Variants in STXBP4 observed in about 807,000 individuals in gnomAD.
STXBP4 encodes the protein syntaxin binding protein 4.
Under a neutral mutation model 76.1 loss-of-function variants are expected in STXBP4, and 55 were observed. That is an observed-to-expected ratio of 0.72 (90% CI 0.58 to 0.91). STXBP4 has a LOEUF of 0.91. Among genes scored for constraint, STXBP4 ranks in the 40% least tolerant of loss-of-function variants. STXBP4 has a pLI of 0.00. For missense variants in STXBP4, 618 were observed against 636.9 expected (o/e 0.97, Z 0.32); for synonymous variants, 201 against 220.2 (o/e 0.91, Z 0.77).
At chr17:55,159,624 C>T (rs980464492) in intron 17 of STXBP4, among the ~76,000 whole-genome samples, 173 bp from the exon 18 acceptor site, 2 of 152,186 alleles carry the variant, frequency 1.3e-5, no homozygotes, top group South Asian at 2.1e-4. Context: ...AAATGGTTTT[C>T]ATTGAAGCTT....
intron 8 of STXBP4, among the ~76,000 whole-genome samples, chr17:55,025,592 G>A (rs1438394327): frequency 6.6e-6 from 1 of 152,058 alleles, no homozygotes; most frequent in Non-Finnish European, 1.5e-5. Flanking sequence ...TAACACCCTT[G>A]CATGATAAAA....
At chr17:55,007,443 T>A in intron 7 of STXBP4, 63 bp from the exon 8 acceptor site, 1 of 1,140,928 alleles carries the variant, frequency 8.8e-7, no homozygotes, top group South Asian at 1.3e-5. Context: ...GAACATATCC[T>A]GTCAAATAAA....
chr17:55,034,661 AT>A (rs1175975801), intron 10 of STXBP4, among the ~76,000 whole-genome samples: 1 of 152,086 alleles, frequency 6.6e-6, no homozygotes, highest in Non-Finnish European at 1.5e-5. Context: ...AACCATCCTT[AT>A]TTAATTAGCA....
chr17:55,055,744 C>T (rs1783905343), intron 12 of STXBP4, among the ~76,000 whole-genome samples: 1 of 152,196 alleles, frequency 6.6e-6, no homozygotes, highest in Non-Finnish European at 1.5e-5. Context: ...CCCTCCACCC[C>T]TTTACTCATT....
rs2145204055 is a variant in STXBP4 at position 55,164,146 on chromosome 17, C to CT, written c.*4237dup. On this transcript the variant is annotated 3_prime_UTR_variant, in exon 18 of 18. Transcript: ENST00000376352. The stretch of plus-strand genomic sequence containing the variant: ...CCTTAAACAGAATGTGCCTGTGGAG[C>CT]TTCGCTTTAGAAATGAAATACCCAA... 6.6e-6 allele frequency: 1 copy of CT among 152,324 alleles called. No homozygotes were observed. Among genetic ancestry groups the CT allele is most frequent in the South Asian group, 2.1e-4 (1 of 4,826 alleles). 9.4% of individuals were successfully genotyped at this position (152,324 alleles called of 1,614,324 possible).
intron 8 of STXBP4, among the ~76,000 whole-genome samples, chr17:55,025,232 A>G (rs2078391060): frequency 6.6e-6 from 1 of 152,302 alleles, no homozygotes; most frequent in Middle Eastern, 3.4e-3. Context: ...GGAGAATACT[A>G]TGAATAATTA....
chr17:55,041,993 G>A (rs911700148), intron 10 of STXBP4, among the ~76,000 whole-genome samples: 3 of 152,136 alleles, frequency 2.0e-5, no homozygotes, highest in African/African-American at 7.2e-5. Flanking sequence ...TGAGAGAGCA[G>A]AGTAACAGAG....
chr17:55,136,224 G>A (rs2080027292), intron 16 of STXBP4, among the ~76,000 whole-genome samples: 1 of 152,066 alleles, frequency 6.6e-6, no homozygotes, highest in African/African-American at 2.4e-5. Flanking sequence ...GCCTTTGGAA[G>A]CTGCTATCAG....
the STXBP4 span, among the ~76,000 whole-genome samples, chr17:55,182,164 A>T: frequency 0.042 from 536 of 12,824 alleles, 4 homozygotes; most frequent in Non-Finnish European, 0.13. Flanking sequence ...GCAAGAATCA[A>T]GAGAAAACAG....
chr17:55,047,617 G>A (rs2078807875), intron 12 of STXBP4, among the ~76,000 whole-genome samples: 1 of 151,658 alleles, frequency 6.6e-6, no homozygotes, highest in Non-Finnish European at 1.5e-5. Flanking sequence ...ATTCTTCAAA[G>A]AATTTGAGGT....
intron 8 of STXBP4, among the ~76,000 whole-genome samples, chr17:55,023,822 T>TA (rs1189639724): frequency 6.7e-6 from 1 of 150,070 alleles, no homozygotes; most frequent in African/African-American, 2.5e-5. Flanking sequence ...GGCTCAGTTT[T>TA]AACATGGCCT....
intron 13 of STXBP4, among the ~76,000 whole-genome samples, chr17:55,074,439 G>A (rs1328473598): frequency 1.3e-5 from 2 of 152,090 alleles, no homozygotes; most frequent in South Asian, 2.1e-4. Flanking sequence ...CATTCTGAAA[G>A]TAGATATGTG....
the STXBP4 span, among the ~76,000 whole-genome samples, chr17:55,186,013 G>T: frequency 1.3e-5 from 2 of 152,184 alleles, no homozygotes; most frequent in African/African-American, 4.8e-5. Flanking sequence ...GAAGATGATG[G>T]TGCATAACAG....
At position 55,047,006 on chromosome 17, in the gene STXBP4, T is replaced by G. The variant is rs867978036; in HGVS notation, c.946-83T>G. ...TGTAGCAATTTGATATTTGGGAATA[T>G]AGGCCTTGAAACAAGGGACTAAGAA... On this transcript the variant is annotated intron_variant, in intron 11 of 17. Transcript: ENST00000376352. The G allele has an allele frequency of 2.9e-4, 208 of 716,988 alleles. 5 individuals are homozygous for G. In the Middle Eastern group the frequency reaches 0.017, roughly 60 times the overall value. The allele number at this position is 716,988 out of a possible 1,614,324, so 44.4% of individuals were successfully genotyped here.
At chr17:54,982,658 G>A (rs550985957) in intron 1 of STXBP4, among the ~76,000 whole-genome samples, 3 of 151,494 alleles carry the variant, frequency 2.0e-5, no homozygotes, top group South Asian at 2.1e-4. Context: ...TAACATTACT[G>A]GAATCCCTGT....
chr17:55,048,841 A>G (rs1212841231), intron 12 of STXBP4, among the ~76,000 whole-genome samples: 2 of 151,930 alleles, frequency 1.3e-5, no homozygotes, highest in African/African-American at 4.8e-5. Flanking sequence ...AAATAACTGA[A>G]CAGCCTAATA....
chr17:55,074,172 A>G (rs983261092), intron 13 of STXBP4, among the ~76,000 whole-genome samples: 2 of 152,242 alleles, frequency 1.3e-5, no homozygotes, highest in African/African-American at 4.8e-5. Context: ...CTATTTAAAC[A>G]TTAAAAAGTT....
At chr17:55,007,437 A>G in intron 7 of STXBP4, 69 bp from the exon 8 acceptor site, 9 of 1,077,592 alleles carry the variant, frequency 8.4e-6, no homozygotes, top group Admixed American at 1.8e-5. Context: ...AACTCAGAAC[A>G]TATCCTGTCA....
chr17:55,185,049 T>G, the STXBP4 span, among the ~76,000 whole-genome samples: 4 of 152,120 alleles, frequency 2.6e-5, no homozygotes, highest in Non-Finnish European at 5.9e-5. Context: ...TTTTGTATTT[T>G]TTGTAGAGAT....
Sources: allele counts gnomAD v4.1 joint callset (sites outside exome capture counted in the v4.1 genomes callset), GRCh38; gene constraint gnomAD v4.1.1; transcripts MANE v1.5; gene names NCBI Gene and HGNC (gene_info 2026-07-23, HGNC 2026-07-21).